Variants in ADAM32 observed in about 807,000 individuals in gnomAD.
ADAM32 encodes disintegrin and metalloproteinase domain-containing protein 32.
Under a neutral mutation model 114.9 loss-of-function variants are expected in ADAM32, and 89 were observed. That is an observed-to-expected ratio of 0.77 (90% CI 0.65 to 0.92). The LOEUF (loss-of-function observed/expected upper bound fraction) is 0.92. Ranked by LOEUF, ADAM32 falls within the 40% of genes least tolerant of loss-of-function variation. The pLI is 0.00. For synonymous variants in ADAM32, 285 were observed against 307.5 expected (o/e 0.93, Z 0.77); for missense variants, 870 against 932.8 (o/e 0.93, Z 0.88).
chr8:39,212,086 G>A (rs1431909550), intron 12 of ADAM32, among the ~76,000 whole-genome samples: 9 of 151,820 alleles, frequency 5.9e-5, no homozygotes, highest in Non-Finnish European at 1.2e-4. Flanking sequence ...GAGCAATCTC[G>A]GCTCACTTCA....
At chr8:39,279,203 G>T (rs1200439233) in intron 22 of ADAM32, among the ~76,000 whole-genome samples, 1 of 152,074 alleles carries the variant, frequency 6.6e-6, no homozygotes, top group African/African-American at 2.4e-5. Flanking sequence ...TTCAATTATT[G>T]ACTCTTTCTC....
In ADAM32 at chr8:39,107,738, T is replaced by A. The variant is rs1564411111; in HGVS notation, c.-38T>A. ...CCCGCGTCCCTGGCAATTCCCGACT[T>A]CCCAACGGCTTCCCGCTGGCAGCCC... On this transcript the variant is annotated 5_prime_UTR_variant, in exon 1 of 25. Transcript: ENST00000379907. The A allele has an allele frequency of 1.3e-6, 2 of 1,550,192 alleles. No homozygotes were observed. The highest frequency in any genetic ancestry group is 8.7e-7 in the Non-Finnish European group (1 of 1,146,582).
intron 11 of ADAM32, among the ~76,000 whole-genome samples, chr8:39,193,942 A>T (rs1806774736): frequency 6.6e-6 from 1 of 152,166 alleles, no homozygotes; most frequent in Admixed American, 6.5e-5. Context: ...AGTGCTTCCT[A>T]GGGCAGTGGC....
chr8:39,210,760 A>G (rs941525639), intron 11 of ADAM32, among the ~76,000 whole-genome samples: 1 of 152,178 alleles, frequency 6.6e-6, no homozygotes, highest in African/African-American at 2.4e-5. Flanking sequence ...TGAGATCTTC[A>G]GGACTAAGCA....
At chr8:39,186,766 C>T (rs2129447189) in intron 10 of ADAM32, 143 bp from the exon 11 acceptor site, 2 of 614,370 alleles carry the variant, frequency 3.3e-6, no homozygotes, top group Non-Finnish European at 5.0e-6. Flanking sequence ...AGAAGAGCTT[C>T]AGCTTCTCAC....
intron 14 of ADAM32, among the ~76,000 whole-genome samples, chr8:39,224,650 T>A (rs1369856718): frequency 6.6e-6 from 1 of 152,154 alleles, no homozygotes; most frequent in African/African-American, 2.4e-5. Context: ...TGGAAATGAA[T>A]TCCTTATTAT....
At chr8:39,128,431 C>T (rs1368323383) in intron 2 of ADAM32, among the ~76,000 whole-genome samples, 1 of 152,108 alleles carries the variant, frequency 6.6e-6, no homozygotes, top group African/African-American at 2.4e-5. Context: ...GAGATAGTCT[C>T]TTAAAGACAG....
chr8:39,125,621 G>T (rs542962661), intron 2 of ADAM32, among the ~76,000 whole-genome samples: 119 of 152,252 alleles, frequency 7.8e-4, no homozygotes, highest in African/African-American at 2.9e-3. Context: ...CCATTCTGTA[G>T]GTTGTCTGTT....
At chr8:39,207,658 TC>T (rs2129448176) in intron 11 of ADAM32, among the ~76,000 whole-genome samples, 1 of 152,344 alleles carries the variant, frequency 6.6e-6, no homozygotes, top group South Asian at 2.1e-4. Context: ...AACTTATTCT[TC>T]CTGTTTAACT....
chr8:39,128,854 T>A (rs975291085), intron 2 of ADAM32, among the ~76,000 whole-genome samples: 1 of 152,130 alleles, frequency 6.6e-6, no homozygotes. Context: ...CCAATATCCC[T>A]TGACTGGGAA....
At chr8:39,164,924 C>G (rs1038353944) in intron 8 of ADAM32, 89 bp downstream of exon 8, 3 of 1,490,660 alleles carry the variant, frequency 2.0e-6, no homozygotes, top group Non-Finnish European at 2.8e-6. Context: ...GATAATTAAC[C>G]CACCCATATA....
At chr8:39,205,293 C>T (rs1263135544) in intron 11 of ADAM32, among the ~76,000 whole-genome samples, 1 of 152,236 alleles carries the variant, frequency 6.6e-6, no homozygotes, top group Admixed American at 6.5e-5. Flanking sequence ...AGCTTCCAGG[C>T]AGCTTTGTTT....
chr8:39,223,330 G>T (rs1368087886), intron 14 of ADAM32, 92 bp downstream of exon 14: 25 of 841,684 alleles, frequency 3.0e-5, no homozygotes, highest in Non-Finnish European at 4.0e-5. Context: ...ATAAAATGTG[G>T]AATGTTTTAT....
intron 24 of ADAM32, 145 bp downstream of exon 24, chr8:39,283,769 TTC>T: frequency 2.0e-5 from 10 of 499,896 alleles, no homozygotes; most frequent in East Asian, 7.6e-5. Context: ...CTTTCTTTTA[TTC>T]TTTTTTTTTT....
chr8:39,178,314 A>G (rs1564539992), intron 10 of ADAM32, among the ~76,000 whole-genome samples: 1 of 151,958 alleles, frequency 6.6e-6, no homozygotes. Flanking sequence ...TCTGCTATTG[A>G]TACTTGTGAT....
Position 39,257,288 on chromosome 8 carries a change from G to A in ADAM32, c.2107G>A (p.Ala703Thr). 6.2e-7 allele frequency: 1 copy of A among 1,613,078 alleles called. No individual in the cohort carries two copies. Among genetic ancestry groups the A allele is most frequent in the Non-Finnish European group, 8.5e-7 (1 of 1,179,434 alleles). ...ILIVTTAIVL[A>T]RKQLKKWFAK... ...CATTGTAACAACCGCAATAGTTTTG[G>A]CAAGGAAACAGTTGAAAAAGTGGTT... is the stretch of plus-strand genomic sequence containing the variant. Residue 703 changes from alanine (A) to threonine (T), a missense_variant, in exon 19 of 25, where the codon GCA becomes ACA. Physicochemically the swap from Ala to Thr is moderately conservative, Grantham distance 58 (BLOSUM62 0). Transcript: ENST00000379907.
chr8:39,176,261 C>T (rs1206306799), intron 10 of ADAM32, among the ~76,000 whole-genome samples: 1 of 151,938 alleles, frequency 6.6e-6, no homozygotes, highest in Non-Finnish European at 1.5e-5. Flanking sequence ...TTCTCTTGTT[C>T]TTTTAGTTGG....
At position 39,198,751 on chromosome 8, in the gene ADAM32, T is replaced by TAG. The variant is rs1807186364; in HGVS notation, c.1052+11706_1052+11707insAG. 3.3e-5 allele frequency among the ~76,000 whole-genome samples: 5 copies of TAG among 150,578 alleles called. No homozygotes were observed. In the South Asian group the frequency reaches 1.1e-3, roughly 32 times the overall value. ...GATAGCGTTTAACATTTTTTTTTTCTCTTCTCCTTTTCTTTTCTCTTCTCC... is the reference window on the plus strand; with the variant it reads ...GATAGCGTTTAACATTTTTTTTTTCTAGCTTCTCCTTTTCTTTTCTCTTCTCC... On this transcript the variant is annotated intron_variant, in intron 11 of 24. Transcript: ENST00000379907.
At chr8:39,142,873 C>A (rs1803256303) in intron 3 of ADAM32, among the ~76,000 whole-genome samples, 1 of 152,164 alleles carries the variant, frequency 6.6e-6, no homozygotes, top group East Asian at 1.9e-4. Flanking sequence ...TTCACATAGT[C>A]CCTATATTTC....
Sources: allele counts gnomAD v4.1 joint callset (sites outside exome capture counted in the v4.1 genomes callset), GRCh38; gene constraint gnomAD v4.1.1; transcripts MANE v1.5; gene names NCBI Gene and HGNC (gene_info 2026-07-23, HGNC 2026-07-21).